ARHGAP18: variants seen among roughly 807,000 people sequenced by gnomAD.
ARHGAP18 encodes Rho GTPase activating protein 18.
In ARHGAP18, 67 loss-of-function variants were observed where a neutral mutation model predicts 86.2. The observed-to-expected ratio is 0.78, with a 90% CI of 0.64 to 0.95. The LOEUF is 0.95. Among genes scored for constraint, ARHGAP18 ranks in the 40% least tolerant of loss-of-function variants. ARHGAP18 has a pLI of 0.00. For missense variants in ARHGAP18, 691 were observed against 780.4 expected (o/e 0.89, Z 1.37); for synonymous variants, 283 against 280.4 (o/e 1.01, Z -0.09).
At chr6:129,708,530 A>C (rs924589883) in intron 1 of ARHGAP18, among the ~76,000 whole-genome samples, 2 of 152,190 alleles carry the variant, frequency 1.3e-5, no homozygotes, top group Admixed American at 6.5e-5. Context: ...AGACCTTCCA[A>C]AAACTTAACT....
intron 3 of ARHGAP18, among the ~76,000 whole-genome samples, chr6:129,636,116 C>A (rs1002893035): frequency 5.3e-5 from 8 of 152,204 alleles, no homozygotes; most frequent in African/African-American, 1.9e-4. Context: ...CCTTACCATT[C>A]ATTTTTCTTC....
rs909829196 is a variant in ARHGAP18, at chr6:129,576,833, T to G, written c.*1680A>C. 2 of 152,132 alleles carry G rather than the reference T, an allele frequency of 1.3e-5. No homozygotes were observed. The highest frequency in any genetic ancestry group is 4.8e-5 in the African/African-American group (2 of 41,440). 9.4% of individuals were successfully genotyped at this position (152,132 alleles called of 1,614,324 possible). A position where few individuals can be genotyped will look rare whatever the true frequency, so the allele number is the denominator to read the frequency against. ...CCACTAATAAGTACCATTTTGCTAA[T>G]TGGGAAATTAATACATATTGTCAAA... On this transcript the variant is annotated 3_prime_UTR_variant, in exon 15 of 15. Transcript: ENST00000368149.
rs1267531118 is a variant in ARHGAP18 at position 129,616,280 on chromosome 6, A to G, written c.976T>C (p.Leu326=). The G allele has an allele frequency of 1.2e-6, 2 of 1,610,040 alleles. No homozygotes were observed. Among genetic ancestry groups the G allele is most frequent in the Admixed American group, 1.7e-5 (1 of 59,910 alleles). Residue 326 remains leucine, a synonymous_variant, in exon 7 of 15, where the codon TTG becomes CTG. Coordinates refer to ENST00000368149, the MANE Select transcript of ARHGAP18 (RefSeq NM_033515.3). ...TKDSGLFCVP[L]TALLEQDQRK... ...TGATCTTGTTCTAATAGCGCTGTCA[A>G]TGGAACGCAAAAAAGACCAGAATCT...
rs1172882961 is a variant in ARHGAP18 at position 129,625,417 on chromosome 6, A to G, written c.786+3936T>C. 6.8e-4 allele frequency among the ~76,000 whole-genome samples: 27 copies of G among 39,492 alleles called. 3 individuals are homozygous for G. The highest frequency in any genetic ancestry group is 3.7e-3 in the African/African-American group (26 of 6,946). The allele number at this position is 39,492 out of a possible 152,430, so 25.9% of individuals were successfully genotyped here. On this transcript the variant is annotated intron_variant, in intron 5 of 14. Transcript: ENST00000368149. ...TATACATATGTATTATATATTATATATAATATATATTATATATAATATATA... is the reference window on the plus strand; with the variant it reads ...TATACATATGTATTATATATTATATGTAATATATATTATATATAATATATA...
At chr6:129,684,306 C>T (rs754634134) in intron 1 of ARHGAP18, among the ~76,000 whole-genome samples, 10 of 152,154 alleles carry the variant, frequency 6.6e-5, no homozygotes, top group Non-Finnish European at 1.2e-4. Context: ...TAAAATATAA[C>T]TGTGGGGAGA....
Position 129,582,840 on chromosome 6 carries a change from C to T in ARHGAP18, c.1838+1148G>A, listed in dbSNP as rs190847924. Among the ~76,000 whole-genome samples, 42 of 152,226 alleles carry T rather than the reference C, an allele frequency of 2.8e-4. No homozygotes were observed. In the East Asian group the frequency reaches 4.3e-3, roughly 15 times the overall value. ...TCTGTTTTCTTATCAGTGAAGCAGACGTAATAATAGCACTTACTTCAGAGT... is the reference window on the plus strand; with the variant it reads ...TCTGTTTTCTTATCAGTGAAGCAGATGTAATAATAGCACTTACTTCAGAGT... On this transcript the variant is annotated intron_variant, in intron 13 of 14. Transcript: ENST00000368149.
chr6:129,678,835 AGTT>A (rs1774277881), intron 1 of ARHGAP18, among the ~76,000 whole-genome samples: 1 of 152,240 alleles, frequency 6.6e-6, no homozygotes, highest in Non-Finnish European at 1.5e-5. Context: ...CAAAATAAAA[AGTT>A]GAGGAAACAA....
intron 12 of ARHGAP18, among the ~76,000 whole-genome samples, chr6:129,595,575 A>T (rs1316001769): frequency 6.6e-6 from 1 of 152,076 alleles, no homozygotes; most frequent in Non-Finnish European, 1.5e-5. Flanking sequence ...ATTACCTACC[A>T]TCTCCTACCT....
intron 8 of ARHGAP18, among the ~76,000 whole-genome samples, chr6:129,610,569 C>T (rs1392401157): frequency 6.6e-6 from 1 of 152,162 alleles, no homozygotes; most frequent in Non-Finnish European, 1.5e-5. Context: ...CTCACTAAGA[C>T]TAATTATGCA....
chr6:129,707,640 G>A lies in ARHGAP18; in HGVS notation c.113+2384C>T, dbSNP rs369839758. Among the ~76,000 whole-genome samples the A allele has an allele frequency of 2.3e-3, 275 of 120,348 alleles. 1 individual carries two copies. The highest frequency in any genetic ancestry group is 8.5e-3 in the African/African-American group (263 of 31,056). The allele number at this position is 120,348 out of a possible 152,430, so 79.0% of individuals were successfully genotyped here. On this transcript the variant is annotated intron_variant, in intron 1 of 14. Coordinates refer to ENST00000368149, the MANE Select transcript of ARHGAP18 (RefSeq NM_033515.3). ...ATGCACTACCATTTCTAGTTTGTTT[G>A]TGGTTTCTTGTTTTTTTTTTTTTTT...
chr6:129,608,682 A>C (rs950020186), intron 8 of ARHGAP18, among the ~76,000 whole-genome samples: 10 of 152,328 alleles, frequency 6.6e-5, no homozygotes, highest in South Asian at 2.1e-4. Flanking sequence ...GAACTCTACA[A>C]AATTTGTCAG....
rs1193739144 is a variant in ARHGAP18 at position 129,576,546 on chromosome 6, T to C, written c.*1967A>G. ...AACATTGATGAACTTGGGTCGTGAG[T>C]TCTAAAAGGGATTCAAAATAAAATG... On this transcript the variant is annotated 3_prime_UTR_variant, in exon 15 of 15. Coordinates refer to ENST00000368149, the MANE Select transcript of ARHGAP18 (RefSeq NM_033515.3). 1 of 152,198 alleles carries C rather than the reference T, an allele frequency of 6.6e-6. No homozygotes were observed. Among genetic ancestry groups the C allele is most frequent in the Non-Finnish European group, 1.5e-5 (1 of 68,038 alleles). The allele number at this position is 152,198 out of a possible 1,614,324, so 9.4% of individuals were successfully genotyped here.
chr6:129,649,275 G>A (rs1773650999), intron 1 of ARHGAP18, among the ~76,000 whole-genome samples: 1 of 152,060 alleles, frequency 6.6e-6, no homozygotes, highest in African/African-American at 2.4e-5. Flanking sequence ...AAAAGTCGCG[G>A]CCAGGTGCGG....
At chr6:129,667,786 G>C (rs1774069581) in intron 1 of ARHGAP18, among the ~76,000 whole-genome samples, 1 of 151,946 alleles carries the variant, frequency 6.6e-6, no homozygotes, top group South Asian at 2.1e-4. Flanking sequence ...ATATCTGCCT[G>C]GGCTCTTGGC....
At chr6:129,626,870 C>T (rs1016040831) in intron 5 of ARHGAP18, among the ~76,000 whole-genome samples, 2 of 152,082 alleles carry the variant, frequency 1.3e-5, no homozygotes, top group African/African-American at 4.8e-5. Flanking sequence ...AACTACAATT[C>T]ACAGCATGGA....
intron 1 of ARHGAP18, among the ~76,000 whole-genome samples, chr6:129,668,362 TCA>T (rs35153109): frequency 0.094 from 12,988 of 137,612 alleles, 728 homozygotes; most frequent in African/African-American, 0.17. Context: ...ACCCAAATAA[TCA>T]CACACACACA....
intron 13 of ARHGAP18, among the ~76,000 whole-genome samples, chr6:129,580,737 T>C (rs1395366973): frequency 1.3e-5 from 2 of 152,032 alleles, no homozygotes; most frequent in African/African-American, 4.8e-5. Flanking sequence ...TAGCCGTGCA[T>C]GGTGGTGAGT....
At chr6:129,641,685 T>C in intron 2 of ARHGAP18, 131 bp downstream of exon 2, 1 of 823,678 alleles carries the variant, frequency 1.2e-6, no homozygotes, top group South Asian at 1.9e-5. Context: ...CAAGTATTTT[T>C]CAAGTTGAAA....
chr6:129,628,013 T>C (rs954249211), intron 5 of ARHGAP18, among the ~76,000 whole-genome samples: 2 of 152,178 alleles, frequency 1.3e-5, no homozygotes, highest in African/African-American at 4.8e-5. Context: ...TAGGTCAGGA[T>C]TGGCCATGGG....
Sources: allele counts gnomAD v4.1 joint callset (sites outside exome capture counted in the v4.1 genomes callset), GRCh38; gene constraint gnomAD v4.1.1; transcripts MANE v1.5; gene names NCBI Gene and HGNC (gene_info 2026-07-23, HGNC 2026-07-21).